NDUFS4: variants seen among roughly 807,000 people sequenced by gnomAD.
NDUFS4 encodes the protein NADH:ubiquinone oxidoreductase subunit S4.
Under a neutral mutation model 24.3 loss-of-function variants are expected in NDUFS4, and 28 were observed. That is an observed-to-expected ratio of 1.15 (90% CI 0.85 to 1.58). NDUFS4 has a LOEUF of 1.58. Among genes scored for constraint, NDUFS4 ranks in the 40% most tolerant of loss-of-function variants. The probability of loss-of-function intolerance (pLI) is 0.00; values close to 1 mark genes in which losing one functional copy is unlikely to be tolerated. For missense variants in NDUFS4, 223 were observed against 207.9 expected (o/e 1.07, Z -0.45); for synonymous variants, 93 against 69.7 (o/e 1.34, Z -1.67).
At chr5:53,569,299 C>T (rs1448924886) in intron 1 of NDUFS4, among the ~76,000 whole-genome samples, 5 of 152,088 alleles carry the variant, frequency 3.3e-5, no homozygotes, top group Non-Finnish European at 7.4e-5. Flanking sequence ...GAATAAAATA[C>T]ATTTCATAAT....
chr5:53,580,538 A>G (rs2112426679), intron 1 of NDUFS4, among the ~76,000 whole-genome samples: 1 of 152,352 alleles, frequency 6.6e-6, no homozygotes, highest in South Asian at 2.1e-4. Context: ...CTAGGTGCAT[A>G]GATCTAACCA....
chr5:53,571,886 T>C (rs1374058055), intron 1 of NDUFS4, among the ~76,000 whole-genome samples: 2 of 152,236 alleles, frequency 1.3e-5, no homozygotes, highest in East Asian at 1.9e-4. Flanking sequence ...TATTTTCTTA[T>C]TGTTCAGCTT....
intron 1 of NDUFS4, among the ~76,000 whole-genome samples, chr5:53,565,388 T>A (rs1748985894): frequency 6.6e-6 from 1 of 152,246 alleles, no homozygotes; most frequent in African/African-American, 2.4e-5. Context: ...TGGACCGATA[T>A]ATCAGCAGTG....
intron 4 of NDUFS4, among the ~76,000 whole-genome samples, chr5:53,675,155 T>TC (rs1232437994): frequency 1.4e-5 from 2 of 141,764 alleles, no homozygotes. Context: ...AGAACAGAGT[T>TC]CCTTTTTTTT....
intron 1 of NDUFS4, among the ~76,000 whole-genome samples, chr5:53,573,270 T>C (rs1749275853): frequency 6.6e-6 from 1 of 152,122 alleles, no homozygotes. Flanking sequence ...CCACTGCACC[T>C]GGCCCATCCT....
At chr5:53,619,356 G>T (rs7729894) in intron 2 of NDUFS4, among the ~76,000 whole-genome samples, 1 of 147,200 alleles carries the variant, frequency 6.8e-6, no homozygotes, top group Non-Finnish European at 1.5e-5. Flanking sequence ...TGCTTGTGGT[G>T]GCGGGTGCTT....
At chr5:53,680,909 G>T (rs1313162817) in intron 4 of NDUFS4, among the ~76,000 whole-genome samples, 1 of 151,990 alleles carries the variant, frequency 6.6e-6, no homozygotes, top group African/African-American at 2.4e-5. Context: ...AGTACACCAG[G>T]AATGCTCTTG....
rs746256245 is a variant in NDUFS4 at position 53,683,133 on chromosome 5, T to C, written c.440T>C (p.Ile147Thr). ...FAEKNGWSYDIEERKVPKPKS... is the reference protein window; with the variant it reads ...FAEKNGWSYDTEERKVPKPKS... ...TTCCTCCTAGGATGGAGCTATGACA[T>C]TGAAGAGAGGAAGGTTCCAAAACCC... Residue 147 changes from isoleucine to threonine, a missense_variant, in exon 5 of 5, where the codon ATT becomes ACT. Coordinates refer to ENST00000296684, the MANE Select transcript of NDUFS4 (RefSeq NM_002495.4). 6.2e-7 allele frequency: 1 copy of C among 1,605,324 alleles called. No individual in the cohort carries two copies. Among genetic ancestry groups the C allele is most frequent in the South Asian group, 1.1e-5 (1 of 90,888 alleles).
At chr5:53,656,545 C>T (rs1561389856) in intron 3 of NDUFS4, among the ~76,000 whole-genome samples, 1 of 152,072 alleles carries the variant, frequency 6.6e-6, no homozygotes, top group East Asian at 1.9e-4. Flanking sequence ...GAGGAAGGAA[C>T]AAATTGAACT....
chr5:53,588,815 T>C (rs1423712543), intron 1 of NDUFS4, among the ~76,000 whole-genome samples: 1 of 152,168 alleles, frequency 6.6e-6, no homozygotes, highest in African/African-American at 2.4e-5. Flanking sequence ...CACCATATTT[T>C]ATTTTTGAAT....
At chr5:53,570,948 C>T (rs559493913) in intron 1 of NDUFS4, among the ~76,000 whole-genome samples, 33 of 151,948 alleles carry the variant, frequency 2.2e-4, no homozygotes, top group Non-Finnish European at 4.3e-4. Flanking sequence ...CCTCCCAAAG[C>T]GCTGGAATTA....
At chr5:53,589,199 C>T (rs984593797) in intron 1 of NDUFS4, among the ~76,000 whole-genome samples, 22 of 152,174 alleles carry the variant, frequency 1.4e-4, no homozygotes, top group African/African-American at 5.3e-4. Context: ...CACTCCCAAC[C>T]TCAGTCAATG....
At chr5:53,644,968 A>G (rs1487187803) in intron 2 of NDUFS4, among the ~76,000 whole-genome samples, 2 of 152,122 alleles carry the variant, frequency 1.3e-5, no homozygotes, top group African/African-American at 4.8e-5. Flanking sequence ...CGTACTAGCT[A>G]AGAATACTTA....
intron 2 of NDUFS4, among the ~76,000 whole-genome samples, chr5:53,610,556 AAAG>A (rs570643287): frequency 1.0e-3 from 156 of 152,304 alleles, no homozygotes; most frequent in African/African-American, 3.6e-3. Flanking sequence ...AAACAAAAAA[AAAG>A]AAGCACCATT....
intron 1 of NDUFS4, among the ~76,000 whole-genome samples, chr5:53,588,850 TA>T (rs1310313230): frequency 6.6e-6 from 1 of 152,138 alleles, no homozygotes; most frequent in Non-Finnish European, 1.5e-5. Flanking sequence ...ATTTTTAATA[TA>T]TTTTTTATAC....
intron 1 of NDUFS4, among the ~76,000 whole-genome samples, chr5:53,588,781 A>G (rs72751833): frequency 0.16 from 24,392 of 152,156 alleles, 1,943 homozygotes; most frequent in Middle Eastern, 0.19. Flanking sequence ...TTGCCAAACA[A>G]TGAAATATCA....
At chr5:53,676,327 G>T (rs1446293669) in intron 4 of NDUFS4, among the ~76,000 whole-genome samples, 2 of 152,154 alleles carry the variant, frequency 1.3e-5, no homozygotes, top group Non-Finnish European at 2.9e-5. Context: ...AAATTAGCAA[G>T]AATTCTTATC....
intron 3 of NDUFS4, among the ~76,000 whole-genome samples, chr5:53,650,349 A>G (rs72753660): frequency 0.093 from 14,106 of 152,274 alleles, 780 homozygotes; most frequent in Middle Eastern, 0.13. Context: ...AAGATAGTTT[A>G]ACAAGAGACT....
At chr5:53,654,302 A>G (rs1202127917) in intron 3 of NDUFS4, among the ~76,000 whole-genome samples, 1 of 152,094 alleles carries the variant, frequency 6.6e-6, no homozygotes, top group Non-Finnish European at 1.5e-5. Flanking sequence ...TTATAATTGG[A>G]TATGTATTTA....
Sources: allele counts gnomAD v4.1 joint callset (sites outside exome capture counted in the v4.1 genomes callset), GRCh38; gene constraint gnomAD v4.1.1; transcripts MANE v1.5; gene names NCBI Gene and HGNC (gene_info 2026-07-23, HGNC 2026-07-21).